The following RPS6KC1 variants were observed in gnomAD, a reference collection of about 807,000 sequenced individuals.
RPS6KC1 encodes ribosomal protein S6 kinase C1, also known as inactive ribosomal protein S6 kinase delta-1.
Under a neutral mutation model 103.8 loss-of-function variants are expected in RPS6KC1, and 54 were observed. That is an observed-to-expected ratio of 0.52 (90% CI 0.42 to 0.65). The LOEUF (loss-of-function observed/expected upper bound fraction) is 0.65, where lower values mean the gene tolerates loss of function less well. Ranked by LOEUF, RPS6KC1 falls within the 30% of genes least tolerant of loss-of-function variation. RPS6KC1 has a pLI of 0.00. For missense variants in RPS6KC1, 1,151 were observed against 1,253.8 expected, an observed-to-expected ratio of 0.92 and a Z score of 1.24; for synonymous variants, 439 against 438.7, an observed-to-expected ratio of 1.00 and a Z score of -0.01.
intron 1 of RPS6KC1, among the ~76,000 whole-genome samples, chr1:213,058,524 C>T (rs1272441936): frequency 6.6e-6 from 1 of 151,750 alleles, no homozygotes; most frequent in African/African-American, 2.4e-5. Context: ...CAACAAAACA[C>T]CATTTGTTCA....
the RPS6KC1 span, among the ~76,000 whole-genome samples, chr1:213,851,316 C>G: frequency 4.6e-5 from 7 of 151,510 alleles, no homozygotes; most frequent in African/African-American, 2.4e-5. Context: ...TATTAGCAAC[C>G]TCTCCCTCTT....
intron 12 of RPS6KC1, 119 bp from the exon 13 acceptor site, chr1:213,261,439 C>T: frequency 1.2e-6 from 1 of 847,182 alleles, no homozygotes; most frequent in East Asian, 2.4e-5. Flanking sequence ...TTTGAAAGCC[C>T]AGTAGTATTT....
the RPS6KC1 span, among the ~76,000 whole-genome samples, chr1:213,623,985 T>C: frequency 1.3e-5 from 2 of 152,170 alleles, no homozygotes; most frequent in Non-Finnish European, 1.5e-5. Flanking sequence ...ATTTGCAAGC[T>C]AAAAAGCAGC....
chr1:213,473,982 C>T, the RPS6KC1 span, among the ~76,000 whole-genome samples: 1 of 152,120 alleles, frequency 6.6e-6, no homozygotes, highest in African/African-American at 2.4e-5. Flanking sequence ...AGGCAGTTGC[C>T]CTCCAGCCCG....
the RPS6KC1 span, among the ~76,000 whole-genome samples, chr1:213,734,156 A>T: frequency 2.0e-5 from 3 of 152,226 alleles, no homozygotes; most frequent in African/African-American, 2.4e-5. Context: ...GAGGCTGAAG[A>T]TTAAAGAAGG....
chr1:213,371,186 G>T, the RPS6KC1 span, among the ~76,000 whole-genome samples: 1 of 151,860 alleles, frequency 6.6e-6, no homozygotes, highest in Non-Finnish European at 1.5e-5. Context: ...GGTACCTCCC[G>T]TAGAGTAGGA....
intron 8 of RPS6KC1, among the ~76,000 whole-genome samples, chr1:213,215,116 G>A (rs367559751): frequency 9.9e-5 from 15 of 152,240 alleles, no homozygotes; most frequent in African/African-American, 1.9e-4. Flanking sequence ...TGGCGAAGAC[G>A]TTAAAAACCC....
the RPS6KC1 span, among the ~76,000 whole-genome samples, chr1:213,785,855 C>T: frequency 6.6e-6 from 1 of 152,088 alleles, no homozygotes; most frequent in South Asian, 2.1e-4. Flanking sequence ...AAGTAGAAAG[C>T]CATCATCCCA....
the RPS6KC1 span, among the ~76,000 whole-genome samples, chr1:213,325,157 G>A: frequency 6.6e-6 from 1 of 152,184 alleles, no homozygotes; most frequent in South Asian, 2.1e-4. Context: ...AGGGAAGAGC[G>A]GTGGGCATTA....
the RPS6KC1 span, among the ~76,000 whole-genome samples, chr1:213,581,991 T>G: frequency 6.6e-6 from 1 of 152,038 alleles, no homozygotes; most frequent in Admixed American, 6.5e-5. Flanking sequence ...CACAGCATTT[T>G]GTACCTGCCC....
the RPS6KC1 span, among the ~76,000 whole-genome samples, chr1:213,597,075 C>T: frequency 1.3e-5 from 2 of 152,040 alleles, no homozygotes; most frequent in African/African-American, 4.8e-5. Flanking sequence ...CATACATACC[C>T]GAACAAGAGA....
At chr1:213,483,366 G>A in the RPS6KC1 span, among the ~76,000 whole-genome samples, 1 of 152,136 alleles carries the variant, frequency 6.6e-6, no homozygotes, top group Admixed American at 6.5e-5. Context: ...CAATACGGCT[G>A]AGTATTATTC....
chr1:213,243,491 T>C (rs2094400569), intron 12 of RPS6KC1, among the ~76,000 whole-genome samples: 1 of 152,218 alleles, frequency 6.6e-6, no homozygotes, highest in Non-Finnish European at 1.5e-5. Flanking sequence ...CAAATTTTTA[T>C]AGACAAAACA....
intron 6 of RPS6KC1, among the ~76,000 whole-genome samples, chr1:213,166,775 T>C (rs1280525262): frequency 1.3e-5 from 2 of 152,238 alleles, no homozygotes; most frequent in African/African-American, 4.8e-5. Context: ...GTCAGGATTC[T>C]TTGGTTTGCA....
chr1:213,420,069 G>T, the RPS6KC1 span, among the ~76,000 whole-genome samples: 18 of 152,318 alleles, frequency 1.2e-4, no homozygotes, highest in Non-Finnish European at 2.5e-4. Flanking sequence ...TGAGTGCCTT[G>T]TCGATTGCTC....
In RPS6KC1 at chr1:213,057,843, A is replaced by G. The variant is rs562532501; in HGVS notation, c.105+6334A>G. On this transcript the variant is annotated intron_variant, in intron 1 of 14. Transcript: ENST00000366960. ...CAGTGGCGTGATCATGGCTCACTGTAGCCTTGACCTCCTGAGCTCAAGCAA... is the reference window on the plus strand; with the variant it reads ...CAGTGGCGTGATCATGGCTCACTGTGGCCTTGACCTCCTGAGCTCAAGCAA... 3.8e-3 allele frequency among the ~76,000 whole-genome samples: 493 copies of G among 128,770 alleles called. 3 individuals carry two copies. Among genetic ancestry groups the G allele is most frequent in the Non-Finnish European group, 5.9e-3 (381 of 64,746 alleles). 84.5% of individuals were successfully genotyped at this position (128,770 alleles called of 152,430 possible).
chr1:213,579,577 GGAA>G, the RPS6KC1 span, among the ~76,000 whole-genome samples: 1 of 152,050 alleles, frequency 6.6e-6, no homozygotes, highest in African/African-American at 2.4e-5. Flanking sequence ...GACTTTTATT[GGAA>G]GAAGATGCCA....
the RPS6KC1 span, among the ~76,000 whole-genome samples, chr1:213,487,156 A>G: frequency 6.6e-6 from 1 of 152,168 alleles, no homozygotes; most frequent in African/African-American, 2.4e-5. Context: ...TAATCCTAGC[A>G]CTTTGGGAGG....
At chr1:213,774,006 T>C in the RPS6KC1 span, among the ~76,000 whole-genome samples, 2 of 152,212 alleles carry the variant, frequency 1.3e-5, no homozygotes, top group Non-Finnish European at 2.9e-5. Flanking sequence ...GCTCACTCCA[T>C]GCTGTCAGGG....
Sources: gnomAD v4.1 joint callset for allele counts (sites outside exome capture counted in the v4.1 genomes callset) on GRCh38, gnomAD v4.1.1 for gene constraint, MANE v1.5 for transcripts, NCBI Gene and HGNC (gene_info 2026-07-23, HGNC 2026-07-21) for gene names.